The following CCAR1 variants were observed in gnomAD, a reference collection of about 807,000 sequenced individuals.
CCAR1 encodes cell division cycle and apoptosis regulator 1, also known as cell division cycle and apoptosis regulator protein 1.
CCAR1 carries 78 observed loss-of-function variants against 163.8 expected under a neutral mutation model. That is an observed-to-expected ratio of 0.48 (90% confidence interval 0.40 to 0.57). The LOEUF is 0.57. Ranked by LOEUF, CCAR1 falls within the 20% of genes least tolerant of loss-of-function variation. The probability of loss-of-function intolerance (pLI) is 0.00; values close to 1 mark genes in which losing one functional copy is unlikely to be tolerated. For missense variants in CCAR1, 1,019 were observed against 1,365.2 expected (o/e 0.75, Z 4.00); for synonymous variants, 443 against 460.7 (o/e 0.96, Z 0.49).
At chr10:68,731,546 C>T (rs1011191585) in intron 2 of CCAR1, among the ~76,000 whole-genome samples, 16 of 149,814 alleles carry the variant, frequency 1.1e-4, no homozygotes, top group Non-Finnish European at 2.2e-4. Context: ...ATCAATTTTT[C>T]CTAGCAGTCA....
At chr10:68,726,105 C>A (rs1314685822) in intron 2 of CCAR1, among the ~76,000 whole-genome samples, 2 of 146,168 alleles carry the variant, frequency 1.4e-5, no homozygotes, top group African/African-American at 5.1e-5. Flanking sequence ...CAGAGTGAGA[C>A]CCTGTCCTAA....
Position 68,742,568 on chromosome 10 carries a change from A to G in CCAR1, c.517A>G (p.Ser173Gly). 1.2e-6 allele frequency: 2 copies of G among 1,610,828 alleles called. No individual in the cohort carries two copies. Among genetic ancestry groups the G allele is most frequent in the Non-Finnish European group, 1.7e-6 (2 of 1,177,330 alleles). The change falls in exon 6 of 25, where the codon AGT (serine) becomes GGT (glycine). Residue 173 changes from serine to glycine, a missense_variant and splice_region_variant. Ser to Gly is a moderately conservative substitution (Grantham distance 56). Around this residue, in one of 4 missense-constraint regions of CCAR1, gnomAD observed 644 missense variants for 904.4 expected, o/e 0.71. Transcript: ENST00000265872. ...GGATGAAGATGTATTCTTTCAGCTT[A>G]GGTAAACTTAATGAGGTCTTGTCAC... is the stretch of plus-strand genomic sequence containing the variant. ...FVDEDVFFQL[S>G]AVKGKTPQVG...
chr10:68,764,598 T>C (rs557456942), intron 16 of CCAR1, among the ~76,000 whole-genome samples: 1 of 152,188 alleles, frequency 6.6e-6, no homozygotes, highest in African/African-American at 2.4e-5. Context: ...TGCAGATCTT[T>C]TCCATCTTCC....
intron 15 of CCAR1, among the ~76,000 whole-genome samples, chr10:68,757,865 C>T (rs561286742): frequency 7.1e-4 from 107 of 151,142 alleles, no homozygotes; most frequent in African/African-American, 2.5e-3. Context: ...TAAGTAACTT[C>T]AAGGGGATGG....
Position 68,792,136 on chromosome 10 carries a change from G to A in CCAR1, c.*870G>A, listed in dbSNP as rs1210461828. The A allele has an allele frequency of 6.6e-6, 1 of 151,618 alleles. No individual in the cohort carries two copies. Among genetic ancestry groups the A allele is most frequent in the Non-Finnish European group, 1.5e-5 (1 of 67,942 alleles). The allele number at this position is 151,618 out of a possible 1,614,324, so 9.4% of individuals were successfully genotyped here. A position where few individuals can be genotyped will look rare whatever the true frequency, so the allele number is the denominator to read the frequency against. ...GTATATCAGAAAGAAAGAAGCAATA[G>A]AGAACTAGTATTGTTCTTTATGGGT... is the stretch of plus-strand genomic sequence containing the variant. On this transcript the variant is annotated 3_prime_UTR_variant, in exon 25 of 25. Coordinates refer to ENST00000265872, the MANE Select transcript of CCAR1 (RefSeq NM_018237.4).
Position 68,781,442 on chromosome 10 carries a change from C to G in CCAR1, c.2651-4694C>G, listed in dbSNP as rs1004207916. On this transcript the variant is annotated intron_variant, in intron 19 of 24. Coordinates refer to ENST00000265872, the MANE Select transcript of CCAR1 (RefSeq NM_018237.4). ...CCTGTAATCCCAGCTACTCGGGAGG[C>G]TGAGGCAGGAGAATCACTTGAACCC... 4.5e-4 allele frequency among the ~76,000 whole-genome samples: 68 copies of G among 152,020 alleles called. 1 individual carries two copies. Among genetic ancestry groups the G allele is most frequent in the African/African-American group, 1.6e-3 (66 of 41,384 alleles).
intron 17 of CCAR1, among the ~76,000 whole-genome samples, chr10:68,768,028 C>T (rs1224315826): frequency 1.3e-5 from 2 of 152,076 alleles, no homozygotes; most frequent in Non-Finnish European, 2.9e-5. Context: ...ATCAACATAT[C>T]TTATGTTCTT....
Position 68,753,215 on chromosome 10 carries a change from T to TA in CCAR1, c.1119-631dup, listed in dbSNP as rs1251168036. Among the ~76,000 whole-genome samples, 3 of 150,898 alleles carry TA rather than the reference T, an allele frequency of 2.0e-5. No individual in the cohort carries two copies. In the Admixed American group the frequency reaches 2.0e-4, roughly 10 times the overall value. On this transcript the variant is annotated intron_variant, in intron 10 of 24. Transcript: ENST00000265872. ...TCTTAGGAAAAAGGAAATGATCCTT[T>TA]AAAAAATCAGTGTGAGATTTAAAAG...
chr10:68,766,212 T>G (rs555677263), intron 17 of CCAR1, 133 bp downstream of exon 17: 10 of 605,232 alleles, frequency 1.7e-5, no homozygotes, highest in East Asian at 3.0e-5. Flanking sequence ...TTTGTTTTTG[T>G]TTTTTTTTGA....
intron 4 of CCAR1, among the ~76,000 whole-genome samples, chr10:68,738,860 A>G (rs1589158679): frequency 6.6e-6 from 1 of 152,320 alleles, no homozygotes; most frequent in Non-Finnish European, 1.5e-5. Flanking sequence ...CAACTTGGCC[A>G]ATATGGTAAA....
At chr10:68,772,491 CAAAA>C (rs996356627) in intron 18 of CCAR1, among the ~76,000 whole-genome samples, 2 of 134,914 alleles carry the variant, frequency 1.5e-5, no homozygotes, top group African/African-American at 2.7e-5. Context: ...TCAAAAAAAA[CAAAA>C]AAAAAAAAGT....
At chr10:68,749,783 CG>C (rs1411755145) in intron 10 of CCAR1, 98 bp downstream of exon 10, 7 of 1,043,156 alleles carry the variant, frequency 6.7e-6, no homozygotes, top group Non-Finnish European at 8.4e-6. Flanking sequence ...ATTGATTTCC[CG>C]ACAGTTAGTG....
Position 68,721,681 on chromosome 10 carries a change from C to G in CCAR1, c.-51+399C>G, listed in dbSNP as rs534353857. The G allele has an allele frequency of 1.2e-3, 469 of 394,120 alleles. 3 individuals are homozygous for G. The highest frequency in any genetic ancestry group is 9.3e-3 in the African/African-American group (422 of 45,222). The allele number at this position is 394,120 out of a possible 1,614,324, so 24.4% of individuals were successfully genotyped here. ...CTTTCTCCGTGCGTGGTAAACGAGC[C>G]CAGGGCTCTCGGGAGCCATCGAGTG... On this transcript the variant is annotated intron_variant, in intron 1 of 24. Coordinates refer to ENST00000265872, the MANE Select transcript of CCAR1 (RefSeq NM_018237.4).
At chr10:68,725,478 C>G (rs1041484014) in intron 2 of CCAR1, among the ~76,000 whole-genome samples, 2 of 151,900 alleles carry the variant, frequency 1.3e-5, no homozygotes, top group Admixed American at 6.6e-5. Flanking sequence ...TTAAATTCTT[C>G]CCAATCTTTT....
At chr10:68,735,632 C>G (rs1309447560) in intron 2 of CCAR1, 1 of 151,998 alleles carries the variant, frequency 6.6e-6, no homozygotes, top group African/African-American at 2.4e-5. Flanking sequence ...TCTCAAACTC[C>G]TGGGCCCAAG....
intron 19 of CCAR1, chr10:68,775,026 A>G (rs921186885): frequency 5.8e-6 from 2 of 344,296 alleles, no homozygotes; most frequent in Admixed American, 4.6e-5. Context: ...CTACCATATC[A>G]GTTTTTAATA....
intron 2 of CCAR1, among the ~76,000 whole-genome samples, chr10:68,725,397 CA>C (rs35440330): frequency 6.6e-6 from 1 of 151,154 alleles, no homozygotes. Flanking sequence ...GACTCCAGCT[CA>C]AAAAAAATAA....
chr10:68,755,327 C>A, intron 12 of CCAR1, 43 bp from the exon 13 acceptor site: 1 of 1,521,206 alleles, frequency 6.6e-7, no homozygotes, highest in Non-Finnish European at 9.1e-7. Context: ...GGTAATTTGA[C>A]AGGGTGCGTA....
intron 19 of CCAR1, among the ~76,000 whole-genome samples, chr10:68,782,380 A>G (rs902477047): frequency 8.6e-5 from 13 of 152,028 alleles, no homozygotes; most frequent in Non-Finnish European, 1.8e-4. Context: ...CACTGCACTC[A>G]AGCCTGGTTA....
Sources: gnomAD v4.1 joint callset for allele counts (sites outside exome capture counted in the v4.1 genomes callset) on GRCh38, gnomAD v4.1.1 for gene constraint, gnomAD v4.1.1 regional missense constraint, MANE v1.5 for transcripts, NCBI Gene and HGNC (gene_info 2026-07-23, HGNC 2026-07-21) for gene names.